The following PPP6R3 variants were observed in gnomAD, a reference collection of about 807,000 sequenced individuals.
PPP6R3 encodes the protein serine/threonine-protein phosphatase 6 regulatory subunit 3.
PPP6R3 carries 38 observed loss-of-function variants against 110.7 expected under a neutral mutation model. The ratio of observed to expected loss-of-function variants is 0.34; its 90% CI spans 0.26 to 0.45. The LOEUF is 0.45. PPP6R3 is among the 20% of genes least tolerant of loss of function. The probability of loss-of-function intolerance (pLI) is 1.00; values close to 1 mark genes in which losing one functional copy is unlikely to be tolerated. For synonymous variants in PPP6R3, 369 were observed against 373.5 expected (o/e 0.99, Z 0.14); for missense variants, 870 against 1,062.4 (o/e 0.82, Z 2.52).
chr11:68,510,985 C>A (rs1020926778), intron 1 of PPP6R3, among the ~76,000 whole-genome samples: 3 of 152,136 alleles, frequency 2.0e-5, no homozygotes, highest in Admixed American at 1.3e-4. Context: ...CCCTATCCAC[C>A]CAATAGAGGT....
At chr11:68,561,064 CT>C (rs992023647) in intron 8 of PPP6R3, among the ~76,000 whole-genome samples, 4 of 151,894 alleles carry the variant, frequency 2.6e-5, no homozygotes, top group Non-Finnish European at 5.9e-5. Flanking sequence ...GCCCAGCTAA[CT>C]TTTTTTGTAT....
chr11:68,609,676 T>C, intron 22 of PPP6R3: 1 of 1,568,524 alleles, frequency 6.4e-7, no homozygotes, highest in Non-Finnish European at 8.7e-7. Context: ...CCAGCCACAT[T>C]ACATTGTCCC....
intron 2 of PPP6R3, among the ~76,000 whole-genome samples, chr11:68,536,226 A>G (rs2099270124): frequency 6.6e-6 from 1 of 152,144 alleles, no homozygotes; most frequent in African/African-American, 2.4e-5. Context: ...GCATAAAATC[A>G]GGATGTATTC....
rs188046125 is a variant in PPP6R3 at position 68,603,454 on chromosome 11, C to T, written c.2412C>T (p.Leu804=). Residue 804 remains leucine, a synonymous_variant, in exon 22 of 24, where the codon CTC becomes CTT. Transcript: ENST00000393800. ...MNGGMKETLS[L]TVDAKTETAV... Reference sequence around the variant, plus strand: ...GCGGCATGAAGGAAACGCTCAGCCTCACTGTAGATGCCAAGACAGAGACTG... The same window carrying T: ...GCGGCATGAAGGAAACGCTCAGCCTTACTGTAGATGCCAAGACAGAGACTG... The T allele has an allele frequency of 9.0e-5, 146 of 1,614,132 alleles. No individual in the cohort carries two copies. Among genetic ancestry groups the T allele is most frequent in the Admixed American group, 3.7e-4 (22 of 60,010 alleles).
Position 68,615,106 on chromosome 11 carries a change from C to T in PPP6R3, c.*1989C>T. 2.2e-6 allele frequency: 1 copy of T among 462,466 alleles called. No homozygotes were observed. The highest frequency in any genetic ancestry group is 4.3e-6 in the Non-Finnish European group (1 of 231,208). 28.6% of individuals were successfully genotyped at this position (462,466 alleles called of 1,614,324 possible). A position where few individuals can be genotyped will look rare whatever the true frequency, so the allele number is the denominator to read the frequency against. On this transcript the variant is annotated 3_prime_UTR_variant, in exon 24 of 24. Transcript: ENST00000393800. ...CCTCTGGGACTTTTCTTTGGGGCAT[C>T]ATTTTGTTTTGTCTTTCGTAGCAGG... is the stretch of plus-strand genomic sequence containing the variant.
At chr11:68,529,851 A>T (rs545275803) in intron 2 of PPP6R3, among the ~76,000 whole-genome samples, 75 of 152,200 alleles carry the variant, frequency 4.9e-4, no homozygotes, top group Non-Finnish European at 7.2e-4. Context: ...TGTGGAAAAC[A>T]TCGTTAGTGA....
chr11:68,491,105 T>G (rs1171943943), intron 1 of PPP6R3, among the ~76,000 whole-genome samples: 1 of 151,968 alleles, frequency 6.6e-6, no homozygotes, highest in Non-Finnish European at 1.5e-5. Context: ...GAGGATCACT[T>G]GAGCCTAGGA....
In PPP6R3 at chr11:68,567,211, T is replaced by C. The variant is rs774202457; in HGVS notation, c.1128+45T>C. ...CAGACATTTTAATTTGCCATTGATATTTCATGGATATTTAACCAAGTTACA... is the reference window on the plus strand; with the variant it reads ...CAGACATTTTAATTTGCCATTGATACTTCATGGATATTTAACCAAGTTACA... On this transcript the variant is annotated intron_variant, in intron 10 of 23. Coordinates refer to ENST00000393800, the MANE Select transcript of PPP6R3 (RefSeq NM_001164161.2). 145 of 1,486,220 alleles carry C rather than the reference T, an allele frequency of 9.8e-5. 2 individuals are homozygous for C. The highest frequency in any genetic ancestry group is 6.9e-4 in the Middle Eastern group (4 of 5,800). 92.1% of individuals were successfully genotyped at this position (1,486,220 alleles called of 1,614,324 possible). A position where few individuals can be genotyped will look rare whatever the true frequency, so the allele number is the denominator to read the frequency against.
intron 3 of PPP6R3, among the ~76,000 whole-genome samples, chr11:68,541,041 A>G (rs1287255673): frequency 6.6e-6 from 1 of 152,248 alleles, no homozygotes; most frequent in African/African-American, 2.4e-5. Context: ...ATAGGAAAGC[A>G]CAAGGGTATT....
At chr11:68,528,684 G>GTGGGAGTGACTC (rs1313999637) in intron 2 of PPP6R3, among the ~76,000 whole-genome samples, 2 of 152,148 alleles carry the variant, frequency 1.3e-5, no homozygotes, top group African/African-American at 2.4e-5. Flanking sequence ...GATAACTTCC[G>GTGGGAGTGACTC]TGGGAGTGAC....
At chr11:68,506,125 CT>C (rs2099075079) in intron 1 of PPP6R3, among the ~76,000 whole-genome samples, 2 of 144,036 alleles carry the variant, frequency 1.4e-5, no homozygotes, top group Non-Finnish European at 3.0e-5. Context: ...TTTGCCATTA[CT>C]TTTAATTGCA....
intron 1 of PPP6R3, among the ~76,000 whole-genome samples, chr11:68,496,543 G>C (rs575733621): frequency 6.6e-6 from 1 of 152,074 alleles, no homozygotes; most frequent in Non-Finnish European, 1.5e-5. Flanking sequence ...TGCAATCTCA[G>C]CTCGCTGCAA....
At chr11:68,569,488 T>C (rs1299319419) in intron 10 of PPP6R3, among the ~76,000 whole-genome samples, 1 of 152,242 alleles carries the variant, frequency 6.6e-6, no homozygotes. Context: ...GTTATGTGAA[T>C]GTCATCTCTT....
intron 1 of PPP6R3, among the ~76,000 whole-genome samples, chr11:68,480,456 G>T (rs1565307405): frequency 6.6e-6 from 1 of 152,202 alleles, no homozygotes; most frequent in Non-Finnish European, 1.5e-5. Flanking sequence ...TCTGCACCTT[G>T]GCGGAACTTA....
At chr11:68,528,433 T>TC (rs1555110024) in intron 2 of PPP6R3, among the ~76,000 whole-genome samples, 2 of 127,448 alleles carry the variant, frequency 1.6e-5, no homozygotes, top group East Asian at 4.9e-4. Flanking sequence ...TTTGTGTGTG[T>TC]GGGGGGGGGG....
At chr11:68,600,236 C>T in intron 19 of PPP6R3, 105 bp from the exon 20 acceptor site, 1 of 1,318,624 alleles carries the variant, frequency 7.6e-7, no homozygotes, top group South Asian at 1.2e-5. Flanking sequence ...GAGTGTCTTT[C>T]TCCCACAGCT....
intron 1 of PPP6R3, among the ~76,000 whole-genome samples, chr11:68,474,527 CTTT>C (rs2098814660): frequency 1.3e-5 from 2 of 151,926 alleles, no homozygotes; most frequent in Admixed American, 6.5e-5. Flanking sequence ...TGTAATTTTC[CTTT>C]TTTTATATCA....
At chr11:68,607,337 G>A (rs1304313892) in intron 22 of PPP6R3, among the ~76,000 whole-genome samples, 1 of 152,142 alleles carries the variant, frequency 6.6e-6, no homozygotes, top group Non-Finnish European at 1.5e-5. Flanking sequence ...TGAAATAGAG[G>A]GATTAATAAT....
intron 22 of PPP6R3, among the ~76,000 whole-genome samples, chr11:68,603,944 T>G (rs1937790486): frequency 6.6e-6 from 1 of 152,202 alleles, no homozygotes; most frequent in Non-Finnish European, 1.5e-5. Context: ...AACGTGACCC[T>G]TAGAAATTCA....
Sources: allele counts gnomAD v4.1 joint callset (sites outside exome capture counted in the v4.1 genomes callset), GRCh38; gene constraint gnomAD v4.1.1; transcripts MANE v1.5; gene names NCBI Gene and HGNC (gene_info 2026-07-23, HGNC 2026-07-21).